Variants in TOX observed in about 807,000 individuals in gnomAD.
TOX encodes the protein thymocyte selection-associated high mobility group box protein TOX.
In TOX, 11 loss-of-function variants were observed where a neutral mutation model predicts 53.7. That is an observed-to-expected ratio of 0.20 (90% CI 0.13 to 0.34). The LOEUF is 0.34. Ranked by LOEUF, TOX falls within the 10% of genes least tolerant of loss-of-function variation. The pLI, the probability that TOX is intolerant of heterozygous loss-of-function variation, is 1.00. For missense variants in TOX, 570 were observed against 664.6 expected, an observed-to-expected ratio of 0.86 and a Z score of 1.56; for synonymous variants, 225 against 245.3, an observed-to-expected ratio of 0.92 and a Z score of 0.77.
intron 3 of TOX, among the ~76,000 whole-genome samples, chr8:58,895,669 G>A (rs183521385): frequency 1.1e-3 from 171 of 152,236 alleles, no homozygotes; most frequent in African/African-American, 3.8e-3. Flanking sequence ...CTGTGTTGGC[G>A]TCATAGGCTT....
rs1272595369 is a variant in TOX, at chr8:58,868,990, G to A, written c.412-17185C>T. 3.3e-5 allele frequency among the ~76,000 whole-genome samples: 5 copies of A among 151,828 alleles called. No individual in the cohort carries two copies. The East Asian group carries it at 9.7e-4, about 29-fold the overall frequency. On this transcript the variant is annotated intron_variant, in intron 3 of 8. Transcript: ENST00000361421. ...ATTACCAATATCAGAAATGAAAGAGGAGCCATTAATACTGATCTCAAGGAC... is the reference window on the plus strand; with the variant it reads ...ATTACCAATATCAGAAATGAAAGAGAAGCCATTAATACTGATCTCAAGGAC...
intron 1 of TOX, among the ~76,000 whole-genome samples, chr8:59,070,506 A>AACAC (rs371344375): frequency 0.13 from 18,462 of 140,002 alleles, 1,199 homozygotes; most frequent in Middle Eastern, 0.21. Flanking sequence ...TGTCAAGGAA[A>AACAC]ACACACACAC....
At chr8:59,064,971 A>C (rs1804061244) in intron 1 of TOX, among the ~76,000 whole-genome samples, 2 of 152,184 alleles carry the variant, frequency 1.3e-5, no homozygotes, top group African/African-American at 4.8e-5. Context: ...AAAAGTGAAC[A>C]AAAAAGCGCC....
chr8:59,021,505 T>C (rs1814135657), intron 1 of TOX, among the ~76,000 whole-genome samples: 1 of 134,282 alleles, frequency 7.4e-6, no homozygotes, highest in Non-Finnish European at 1.6e-5. Context: ...TATATGCACA[T>C]ATATACAATG....
intron 3 of TOX, among the ~76,000 whole-genome samples, chr8:58,859,829 TAA>T (rs1408402223): frequency 6.6e-6 from 1 of 152,188 alleles, no homozygotes; most frequent in African/African-American, 2.4e-5. Context: ...TCACACTGGC[TAA>T]AAACCATGTC....
chr8:59,075,062 C>T (rs1355457652), intron 1 of TOX, among the ~76,000 whole-genome samples: 1 of 152,124 alleles, frequency 6.6e-6, no homozygotes, highest in Non-Finnish European at 1.5e-5. Context: ...TCCAGTAAGA[C>T]AAATTGACAA....
At chr8:58,987,177 CA>C (rs1813346948) in intron 1 of TOX, among the ~76,000 whole-genome samples, 1 of 152,150 alleles carries the variant, frequency 6.6e-6, no homozygotes, top group South Asian at 2.1e-4. Flanking sequence ...CCTAAATTTG[CA>C]TAACGACACG....
intron 3 of TOX, among the ~76,000 whole-genome samples, chr8:58,896,577 A>C (rs1422519750): frequency 2.0e-5 from 3 of 152,190 alleles, no homozygotes; most frequent in Non-Finnish European, 4.4e-5. Flanking sequence ...GGGGAGGCTG[A>C]AGCAGGGGAA....
At chr8:59,008,076 G>A (rs1187298537) in intron 1 of TOX, among the ~76,000 whole-genome samples, 8 of 152,080 alleles carry the variant, frequency 5.3e-5, no homozygotes, top group Non-Finnish European at 8.8e-5. Context: ...TTTCATTTTT[G>A]TAGATTAAAA....
intron 3 of TOX, among the ~76,000 whole-genome samples, chr8:58,928,071 T>C (rs1812195345): frequency 6.6e-6 from 1 of 152,198 alleles, no homozygotes; most frequent in Non-Finnish European, 1.5e-5. Flanking sequence ...TCTCATACTT[T>C]CGTCAAGTTT....
chr8:59,024,213 T>C (rs1343198755), intron 1 of TOX, among the ~76,000 whole-genome samples: 1 of 152,202 alleles, frequency 6.6e-6, no homozygotes, highest in Non-Finnish European at 1.5e-5. Context: ...AGTATGTGCT[T>C]GTTGATATTA....
chr8:59,000,096 T>G (rs1813660566), intron 1 of TOX, among the ~76,000 whole-genome samples: 1 of 152,182 alleles, frequency 6.6e-6, no homozygotes, highest in Admixed American at 6.5e-5. Flanking sequence ...TTAAAATACA[T>G]CATGTCTTTT....
At chr8:58,810,507 A>G (rs563898451) in intron 7 of TOX, among the ~76,000 whole-genome samples, 4 of 151,602 alleles carry the variant, frequency 2.6e-5, no homozygotes, top group Non-Finnish European at 4.4e-5. Flanking sequence ...GCCTTGCTAA[A>G]TTTTTTTTGG....
At chr8:59,013,413 C>CTTTTTTTTTTT (rs35734986) in intron 1 of TOX, among the ~76,000 whole-genome samples, 1 of 146,344 alleles carries the variant, frequency 6.8e-6, no homozygotes, top group Non-Finnish European at 1.5e-5. Flanking sequence ...TCAGATAGGC[C>CTTTTTTTTTTT]TTTTTTTTTT....
chr8:59,048,496 A>G (rs1359476340), intron 1 of TOX, among the ~76,000 whole-genome samples: 2 of 152,218 alleles, frequency 1.3e-5, no homozygotes, highest in African/African-American at 4.8e-5. Context: ...ACATATAAAT[A>G]ACAGAGCAAA....
At chr8:59,050,692 C>T (rs1803773761) in intron 1 of TOX, among the ~76,000 whole-genome samples, 1 of 152,066 alleles carries the variant, frequency 6.6e-6, no homozygotes, top group African/African-American at 2.4e-5. Flanking sequence ...TCAAGATGAC[C>T]TTCTGGATCT....
chr8:58,845,399 T>G (rs1810705527), intron 4 of TOX, among the ~76,000 whole-genome samples: 1 of 152,136 alleles, frequency 6.6e-6, no homozygotes, highest in African/African-American at 2.4e-5. Context: ...GAGTGAAAAT[T>G]TTGCTACTTA....
At chr8:58,858,735 G>T (rs962494410) in intron 3 of TOX, among the ~76,000 whole-genome samples, 3 of 152,218 alleles carry the variant, frequency 2.0e-5, no homozygotes, top group African/African-American at 4.8e-5. Flanking sequence ...TGTGACAAGT[G>T]CTTCCTCTCG....
intron 3 of TOX, among the ~76,000 whole-genome samples, chr8:58,913,191 C>T (rs1811934360): frequency 6.6e-6 from 1 of 152,182 alleles, no homozygotes; most frequent in Non-Finnish European, 1.5e-5. Context: ...TGGCTCATGC[C>T]TGTAGTCCCA....
Sources: gnomAD v4.1 joint callset for allele counts (sites outside exome capture counted in the v4.1 genomes callset) on GRCh38, gnomAD v4.1.1 for gene constraint, MANE v1.5 for transcripts, NCBI Gene and HGNC (gene_info 2026-07-23, HGNC 2026-07-21) for gene names.